Variants in ELAVL2 observed in about 807,000 individuals in gnomAD.
The protein encoded by ELAVL2 is ELAV like RNA binding protein 2.
Under a neutral mutation model 34.6 loss-of-function variants are expected in ELAVL2, and 4 were observed. That is an observed-to-expected ratio of 0.12 (90% CI 0.06 to 0.26). ELAVL2 has a LOEUF of 0.26. ELAVL2 is among the 10% of genes least tolerant of loss of function. ELAVL2 has a pLI of 1.00. For missense variants in ELAVL2, 432 were observed against 442.8 expected, an observed-to-expected ratio of 0.98 and a Z score of 0.22; for synonymous variants, 193 against 154.8, an observed-to-expected ratio of 1.25 and a Z score of -1.83.
chr9:23,779,160 C>A, intron 1 of ELAVL2: 1 of 982,502 alleles, frequency 1.0e-6, no homozygotes, highest in Non-Finnish European at 1.2e-6. Context: ...TGTCTCATGA[C>A]AAACCACAAA....
At chr9:23,763,442 A>G (rs760215766) in intron 1 of ELAVL2, among the ~76,000 whole-genome samples, 5 of 152,126 alleles carry the variant, frequency 3.3e-5, no homozygotes, top group Non-Finnish European at 7.4e-5. Context: ...ATTATCCTTC[A>G]TATTGCATAC....
intron 5 of ELAVL2, among the ~76,000 whole-genome samples, chr9:23,697,027 T>G (rs533495800): frequency 6.6e-6 from 1 of 152,242 alleles, no homozygotes; most frequent in African/African-American, 2.4e-5. Context: ...CCTGCCTCCC[T>G]GGGGGAAGAC....
intron 1 of ELAVL2, among the ~76,000 whole-genome samples, chr9:23,770,584 G>A (rs2057126452): frequency 6.6e-6 from 1 of 152,134 alleles, no homozygotes; most frequent in Non-Finnish European, 1.5e-5. Flanking sequence ...AGCATGAGAA[G>A]AAATCGAAAG....
At chr9:23,774,364 A>C (rs1225424015) in intron 1 of ELAVL2, among the ~76,000 whole-genome samples, 1 of 152,096 alleles carries the variant, frequency 6.6e-6, no homozygotes, top group Non-Finnish European at 1.5e-5. Flanking sequence ...TAACATGGAA[A>C]GGAAAGACTG....
chr9:23,769,842 CCTT>C (rs1212035206), intron 1 of ELAVL2, among the ~76,000 whole-genome samples: 3 of 152,182 alleles, frequency 2.0e-5, no homozygotes, highest in African/African-American at 7.2e-5. Flanking sequence ...TACACAGTCT[CCTT>C]CATGCCAGTC....
Position 23,752,748 on chromosome 9 carries a change from C to T in ELAVL2, c.229+9258G>A, listed in dbSNP as rs571749875. On this transcript the variant is annotated intron_variant, in intron 2 of 6. Coordinates refer to ENST00000397312, the MANE Select transcript of ELAVL2 (RefSeq NM_004432.5). ...GGAATTACAGGCATGAGCCACCATA[C>T]CCAGCCAAGGAACTCTTATAAACAC... Among the ~76,000 whole-genome samples, 72 of 152,276 alleles carry T rather than the reference C, an allele frequency of 4.7e-4. No individual in the cohort carries two copies. The South Asian group carries it at 0.014, about 29-fold the overall frequency.
chr9:23,783,577 A>G, intron 1 of ELAVL2: 1 of 828,988 alleles, frequency 1.2e-6, no homozygotes, highest in Non-Finnish European at 1.5e-6. Context: ...AAGAAAACAG[A>G]TATGCCTCAA....
chr9:23,813,647 G>T (rs543031756), intron 1 of ELAVL2, among the ~76,000 whole-genome samples: 16 of 152,230 alleles, frequency 1.1e-4, no homozygotes, highest in South Asian at 6.2e-4. Flanking sequence ...AAAATCCCAG[G>T]GGGGGAGGAG....
At chr9:23,728,365 G>T (rs1354788344) in intron 3 of ELAVL2, among the ~76,000 whole-genome samples, 2 of 152,094 alleles carry the variant, frequency 1.3e-5, no homozygotes, top group African/African-American at 4.8e-5. Flanking sequence ...GTGTGAAAGG[G>T]TATACCAAAA....
At chr9:23,850,511 G>A in the ELAVL2 span, among the ~76,000 whole-genome samples, 1 of 151,988 alleles carries the variant, frequency 6.6e-6, no homozygotes, top group Non-Finnish European at 1.5e-5. Flanking sequence ...CTGCACAATA[G>A]CCCCGGCTGG....
chr9:23,741,656 A>T (rs2049221868), intron 2 of ELAVL2, among the ~76,000 whole-genome samples: 1 of 152,160 alleles, frequency 6.6e-6, no homozygotes, highest in Non-Finnish European at 1.5e-5. Context: ...AGGAGGAGTC[A>T]TAATTAGTCC....
intron 1 of ELAVL2, among the ~76,000 whole-genome samples, chr9:23,780,524 G>T (rs1376319800): frequency 6.6e-6 from 1 of 152,012 alleles, no homozygotes; most frequent in Admixed American, 6.6e-5. Context: ...TCAATTTCCT[G>T]TGACCTTCGT....
chr9:23,813,394 C>A (rs2063282706), intron 1 of ELAVL2, among the ~76,000 whole-genome samples: 1 of 148,752 alleles, frequency 6.7e-6, no homozygotes, highest in Non-Finnish European at 1.5e-5. Flanking sequence ...AACCACACAC[C>A]TGGAAGTCTC....
intron 2 of ELAVL2, among the ~76,000 whole-genome samples, chr9:23,745,256 T>C (rs983311575): frequency 6.6e-6 from 1 of 152,098 alleles, no homozygotes; most frequent in Admixed American, 6.6e-5. Context: ...TGGTAGATTT[T>C]TACAATCCCC....
intron 1 of ELAVL2, among the ~76,000 whole-genome samples, chr9:23,820,431 T>C (rs925798471): frequency 6.6e-6 from 1 of 152,202 alleles, no homozygotes; most frequent in Admixed American, 6.5e-5. Context: ...GGACAACTCG[T>C]AGCAAATCCT....
intron 1 of ELAVL2, among the ~76,000 whole-genome samples, chr9:23,780,107 CTATT>C (rs1564432227): frequency 6.8e-6 from 1 of 146,946 alleles, no homozygotes; most frequent in East Asian, 2.1e-4. Flanking sequence ...AGAATATCAT[CTATT>C]CTACAAAACC....
intron 1 of ELAVL2, among the ~76,000 whole-genome samples, chr9:23,820,241 G>T (rs1357056449): frequency 6.6e-6 from 1 of 152,174 alleles, no homozygotes; most frequent in African/African-American, 2.4e-5. Flanking sequence ...ATTGATATTC[G>T]AATGGTTTTA....
chr9:23,837,327 A>C, the ELAVL2 span, among the ~76,000 whole-genome samples: 1 of 152,116 alleles, frequency 6.6e-6, no homozygotes, highest in African/African-American at 2.4e-5. Flanking sequence ...CTAAGCAAAG[A>C]TCTCTAGATG....
chr9:23,745,534 G>A (rs185127667), intron 2 of ELAVL2, among the ~76,000 whole-genome samples: 7 of 152,084 alleles, frequency 4.6e-5, no homozygotes, highest in Non-Finnish European at 8.8e-5. Flanking sequence ...CACCATCAAT[G>A]ACTTACTTGC....
Sources: gnomAD v4.1 joint callset for allele counts (sites outside exome capture counted in the v4.1 genomes callset) on GRCh38, gnomAD v4.1.1 for gene constraint, MANE v1.5 for transcripts, NCBI Gene and HGNC (gene_info 2026-07-23, HGNC 2026-07-21) for gene names.